KDM4C: variants seen among roughly 807,000 people sequenced by gnomAD.
The protein encoded by KDM4C is lysine demethylase 4C, also known as lysine-specific demethylase 4C.
In KDM4C, 81 loss-of-function variants were observed where a neutral mutation model predicts 129.3. The ratio of observed to expected loss-of-function variants is 0.63; its 90% CI spans 0.52 to 0.75. KDM4C has a LOEUF of 0.75. Among genes scored for constraint, KDM4C ranks in the 30% least tolerant of loss-of-function variants. The probability of loss-of-function intolerance (pLI) is 0.00; values close to 1 mark genes in which losing one functional copy is unlikely to be tolerated. For synonymous variants in KDM4C, 573 were observed against 456.1 expected, an observed-to-expected ratio of 1.26 and a Z score of -3.26; for missense variants, 1,457 against 1,304.0, an observed-to-expected ratio of 1.12 and a Z score of -1.81.
chr9:7,173,955 C>T (rs537051888), intron 21 of KDM4C, among the ~76,000 whole-genome samples: 1 of 152,306 alleles, frequency 6.6e-6, no homozygotes, highest in East Asian at 1.9e-4. Flanking sequence ...AGTGCCAAAC[C>T]TTAGGGCATC....
chr9:7,052,863 C>CAGAGAGAGAGAGAGAGAGAGGG (rs1830340179), intron 17 of KDM4C, among the ~76,000 whole-genome samples: 7 of 41,072 alleles, frequency 1.7e-4, no homozygotes, highest in Non-Finnish European at 3.7e-4. Context: ...GCCACACCTG[C>CAGAGAGAGAGAGAGAGAGAGGG]AGAGAGAGAG....
At chr9:6,980,298 TA>T (rs1433584045) in intron 8 of KDM4C, among the ~76,000 whole-genome samples, 2 of 152,172 alleles carry the variant, frequency 1.3e-5, no homozygotes, top group African/African-American at 4.8e-5. Flanking sequence ...AGATTCAAAA[TA>T]ATTTTTTCTT....
At chr9:7,035,548 A>G (rs1827497340) in intron 15 of KDM4C, among the ~76,000 whole-genome samples, 1 of 151,830 alleles carries the variant, frequency 6.6e-6, no homozygotes, top group Non-Finnish European at 1.5e-5. Context: ...TTTTATTCAT[A>G]AAATCATTTC....
At chr9:6,969,332 G>T (rs2131678816) in intron 8 of KDM4C, among the ~76,000 whole-genome samples, 1 of 152,202 alleles carries the variant, frequency 6.6e-6, no homozygotes, top group East Asian at 1.9e-4. Flanking sequence ...AGGCCTTTTT[G>T]TATGTTCTGA....
chr9:6,742,277 G>A (rs113037888), intron 1 of KDM4C, among the ~76,000 whole-genome samples: 9,782 of 151,640 alleles, frequency 0.065, 520 homozygotes, highest in East Asian at 0.18. Context: ...GCCCCCCAGA[G>A]TGCTGGAATG....
chr9:7,160,773 G>T (rs1391736192), intron 19 of KDM4C, among the ~76,000 whole-genome samples: 1 of 152,158 alleles, frequency 6.6e-6, no homozygotes, highest in African/African-American at 2.4e-5. Flanking sequence ...TCCCAGTTAG[G>T]CTACATGGGA....
At chr9:7,120,375 A>T (rs896644350) in intron 18 of KDM4C, among the ~76,000 whole-genome samples, 5 of 152,174 alleles carry the variant, frequency 3.3e-5, no homozygotes, top group African/African-American at 1.2e-4. Flanking sequence ...GAGTTTTCTT[A>T]TAAGGGCCTG....
intron 19 of KDM4C, among the ~76,000 whole-genome samples, chr9:7,149,349 G>A (rs1189839997): frequency 1.3e-5 from 2 of 152,244 alleles, no homozygotes; most frequent in African/African-American, 2.4e-5. Context: ...GCCAGGGAGT[G>A]GAAGCAGGCA....
intron 19 of KDM4C, among the ~76,000 whole-genome samples, chr9:7,133,162 G>C (rs1404733714): frequency 2.0e-5 from 3 of 152,162 alleles, no homozygotes; most frequent in Non-Finnish European, 4.4e-5. Context: ...CTAAATGCCT[G>C]ACATATAGTA....
intron 10 of KDM4C, 147 bp downstream of exon 10, chr9:6,984,551 T>C (rs1417950468): frequency 6.4e-6 from 4 of 623,730 alleles, no homozygotes; most frequent in African/African-American, 3.7e-5. Flanking sequence ...ACTCAACCAA[T>C]AGTCCCAGGG....
intron 9 of KDM4C, chr9:6,982,451 T>C (rs1019168907): frequency 1.3e-5 from 2 of 152,210 alleles, no homozygotes; most frequent in African/African-American, 4.8e-5. Context: ...AAAAGTATTA[T>C]AGTGCTTCCT....
At position 7,174,739 on chromosome 9, in the gene KDM4C, A is replaced by G. The variant is rs1845292747; in HGVS notation, c.*10A>G. On this transcript the variant is annotated 3_prime_UTR_variant, in exon 22 of 22. Coordinates refer to ENST00000381309, the MANE Select transcript of KDM4C (RefSeq NM_015061.6). Reference sequence around the variant, plus strand: ...CCAGAAGAGACAGTAGTCTGCATACATCGCTGCAGGCCACAGAGCAGCTTG... The same window carrying G: ...CCAGAAGAGACAGTAGTCTGCATACGTCGCTGCAGGCCACAGAGCAGCTTG... 9.3e-6 allele frequency: 15 copies of G among 1,611,912 alleles called. No individual in the cohort carries two copies. Among genetic ancestry groups the G allele is most frequent in the Non-Finnish European group, 1.3e-5 (15 of 1,178,170 alleles).
intron 8 of KDM4C, among the ~76,000 whole-genome samples, chr9:6,938,822 A>T (rs1251830032): frequency 1.3e-5 from 2 of 151,170 alleles, no homozygotes; most frequent in Non-Finnish European, 1.5e-5. Context: ...TTTTTTTCTT[A>T]TATAAATATT....
intron 17 of KDM4C, among the ~76,000 whole-genome samples, chr9:7,097,309 C>A (rs917071883): frequency 6.6e-6 from 1 of 152,214 alleles, no homozygotes; most frequent in Non-Finnish European, 1.5e-5. Context: ...CACATAGCAT[C>A]TAAACTCCGA....
intron 2 of KDM4C, among the ~76,000 whole-genome samples, chr9:6,805,066 A>G (rs1829715350): frequency 6.6e-6 from 1 of 151,894 alleles, no homozygotes; most frequent in South Asian, 2.1e-4. Context: ...ACGCCCGGCT[A>G]ATTTTTGTAT....
At chr9:6,798,451 A>T (rs557398330) in intron 2 of KDM4C, among the ~76,000 whole-genome samples, 94 of 152,130 alleles carry the variant, frequency 6.2e-4, no homozygotes, top group African/African-American at 2.2e-3. Flanking sequence ...CTTAACGAGC[A>T]TGCTGCCTTC....
At chr9:6,765,440 A>T (rs915436347) in intron 1 of KDM4C, among the ~76,000 whole-genome samples, 4 of 152,138 alleles carry the variant, frequency 2.6e-5, no homozygotes, top group Non-Finnish European at 4.4e-5. Flanking sequence ...AGCTGTCTTA[A>T]TTCCCTGTAT....
chr9:6,860,304 T>G (rs1840690758), intron 5 of KDM4C, among the ~76,000 whole-genome samples: 1 of 152,166 alleles, frequency 6.6e-6, no homozygotes. Context: ...ATTCTTGAAG[T>G]CAGAAAGAAA....
In KDM4C at chr9:7,170,408, C is replaced by G. The variant is rs1458479728; in HGVS notation, c.2994+518C>G. 5.0e-6 allele frequency: 5 copies of G among 992,328 alleles called. No homozygotes were observed. The African/African-American group carries it at 8.7e-5, about 17-fold the overall frequency. 61.5% of individuals were successfully genotyped at this position (992,328 alleles called of 1,614,324 possible). On this transcript the variant is annotated intron_variant, in intron 21 of 21. Transcript: ENST00000381309. ...TGACTTTCATAATAAAAGGGATAAA[C>G]AAAGCCTAAATGCTAGTTGTGGGAA...
Sources: allele counts gnomAD v4.1 joint callset (sites outside exome capture counted in the v4.1 genomes callset), GRCh38; gene constraint gnomAD v4.1.1; transcripts MANE v1.5; gene names NCBI Gene and HGNC (gene_info 2026-07-23, HGNC 2026-07-21).